Variants in MTUS2 observed in about 807,000 individuals in gnomAD.
MTUS2 encodes microtubule associated scaffold protein 2.
A neutral mutation model predicts 114.1 loss-of-function variants in MTUS2; 40 were observed. The ratio of observed to expected loss-of-function variants is 0.35; its 90% CI spans 0.27 to 0.46. The LOEUF (loss-of-function observed/expected upper bound fraction) is 0.46, where lower values mean the gene tolerates loss of function less well. Ranked by LOEUF, MTUS2 falls within the 20% of genes least tolerant of loss-of-function variation. The pLI is 1.00. For synonymous variants in MTUS2, 688 were observed against 672.0 expected (o/e 1.02, Z -0.37); for missense variants, 1,679 against 1,705.4 (o/e 0.98, Z 0.27).
At chr13:29,170,966 A>G (rs1357497159) in intron 5 of MTUS2, among the ~76,000 whole-genome samples, 2 of 152,206 alleles carry the variant, frequency 1.3e-5, no homozygotes, top group Non-Finnish European at 2.9e-5. Context: ...GAATCCTTGC[A>G]TCAGGAAATA....
intron 5 of MTUS2, among the ~76,000 whole-genome samples, chr13:29,267,271 GCTGAGAGGAATGT>G (rs1318610415): frequency 6.6e-6 from 1 of 152,232 alleles, no homozygotes; most frequent in African/African-American, 2.4e-5. Context: ...GGTGGGCGCA[GCTGAGAGGAATGT>G]TTGTTGTAAA....
intron 4 of MTUS2, among the ~76,000 whole-genome samples, chr13:29,069,295 T>A (rs977033764): frequency 6.6e-6 from 1 of 152,136 alleles, no homozygotes; most frequent in African/African-American, 2.4e-5. Flanking sequence ...TGAGAGCCAA[T>A]GGTATAGATT....
chr13:29,011,089 C>CT (rs991107936), intron 2 of MTUS2, among the ~76,000 whole-genome samples: 175 of 152,264 alleles, frequency 1.1e-3, no homozygotes, highest in African/African-American at 4.0e-3. Context: ...GACCAATAAG[C>CT]TTTTTAACTA....
intron 5 of MTUS2, among the ~76,000 whole-genome samples, chr13:29,115,293 G>A (rs751349767): frequency 2.6e-5 from 4 of 152,182 alleles, no homozygotes; most frequent in East Asian, 1.9e-4. Context: ...TATGCAGGTC[G>A]TACATTTGTG....
chr13:29,172,072 C>T (rs749288557), intron 5 of MTUS2, among the ~76,000 whole-genome samples: 5 of 152,148 alleles, frequency 3.3e-5, no homozygotes, highest in African/African-American at 4.8e-5. Context: ...AGGGAAACAA[C>T]CAGCTGTCTC....
At chr13:29,284,312 A>G (rs1226631594) in intron 6 of MTUS2, among the ~76,000 whole-genome samples, 1 of 152,136 alleles carries the variant, frequency 6.6e-6, no homozygotes, top group Non-Finnish European at 1.5e-5. Flanking sequence ...GGAGGAAAAA[A>G]TGTAGTCGAC....
chr13:29,435,411 G>C (rs1247558686), intron 8 of MTUS2, among the ~76,000 whole-genome samples: 4 of 152,134 alleles, frequency 2.6e-5, no homozygotes, highest in Non-Finnish European at 5.9e-5. Flanking sequence ...GCCCTTAGAG[G>C]AGGCCTTGAT....
rs11288473 is a variant in MTUS2 at position 29,137,783 on chromosome 13, ATTT to A, written c.2644+36827_2644+36829del. Among the ~76,000 whole-genome samples the A allele has an allele frequency of 2.1e-3, 303 of 144,510 alleles. 1 individual carries two copies. Among genetic ancestry groups the A allele is most frequent in the African/African-American group, 6.7e-3 (262 of 39,378 alleles). 94.8% of individuals were successfully genotyped at this position (144,510 alleles called of 152,430 possible). ...AGGTGCACACCACCGTGCCTGGTTAATTTTTTTTTTTTTTTTGTATCTTTAGTA... is the reference window on the plus strand; with the variant it reads ...AGGTGCACACCACCGTGCCTGGTTAATTTTTTTTTTTTTGTATCTTTAGTA... On this transcript the variant is annotated intron_variant, in intron 5 of 15. Coordinates refer to ENST00000612955, the MANE Select transcript of MTUS2 (RefSeq NM_001033602.4).
chr13:29,196,394 C>A (rs867383062), intron 5 of MTUS2, among the ~76,000 whole-genome samples: 11 of 150,848 alleles, frequency 7.3e-5, no homozygotes, highest in African/African-American at 2.7e-4. Context: ...TTATTAGTTT[C>A]TTTAATCTCA....
Position 28,921,200 on chromosome 13 carries a change from A to G in MTUS2, c.-243+81350A>G, listed in dbSNP as rs146824132. ...TCTCAGAGCCCAAGGCCCATGGCCT[A>G]TCACCTGGGTATGGCTGCTGGGTAT... On this transcript the variant is annotated intron_variant, in intron 2 of 15. Transcript: ENST00000612955. 1.7e-3 allele frequency among the ~76,000 whole-genome samples: 257 copies of G among 152,316 alleles called. 1 individual carries two copies. The highest frequency in any genetic ancestry group is 5.7e-3 in the African/African-American group (236 of 41,562).
intron 4 of MTUS2, among the ~76,000 whole-genome samples, chr13:29,074,770 A>G (rs548984003): frequency 6.6e-6 from 1 of 152,200 alleles, no homozygotes; most frequent in South Asian, 2.1e-4. Context: ...CCTTTCCCGG[A>G]ACTAGTTAAC....
intron 8 of MTUS2, among the ~76,000 whole-genome samples, chr13:29,409,935 G>A (rs541782377): frequency 5.3e-5 from 8 of 151,986 alleles, no homozygotes; most frequent in African/African-American, 1.9e-4. Context: ...ATGACCTTGT[G>A]TATTGTTAAA....
intron 4 of MTUS2, 89 bp downstream of exon 4, chr13:29,034,214 C>T (rs1054045374): frequency 4.5e-6 from 7 of 1,539,098 alleles, no homozygotes; most frequent in African/African-American, 1.4e-5. Flanking sequence ...AATATGAATG[C>T]CTTTCATCCT....
chr13:28,970,783 G>A lies in MTUS2; in HGVS notation c.-242-53674G>A, dbSNP rs150168922. 8.5e-5 allele frequency among the ~76,000 whole-genome samples: 13 copies of A among 152,240 alleles called. No individual in the cohort carries two copies. In the East Asian group the frequency reaches 2.5e-3, roughly 29 times the overall value. On this transcript the variant is annotated intron_variant, in intron 2 of 15. Coordinates refer to ENST00000612955, the MANE Select transcript of MTUS2 (RefSeq NM_001033602.4). ...AGCACAGCCTGCAAACCTATACAGT[G>A]TTCCTGTCATATCAGGGCCATGGAG...
At chr13:28,902,568 A>AT (rs1879707737) in intron 2 of MTUS2, among the ~76,000 whole-genome samples, 2 of 152,168 alleles carry the variant, frequency 1.3e-5, no homozygotes, top group South Asian at 2.1e-4. Context: ...AAAAAAAAAA[A>AT]TTTTAACATT....
At chr13:29,082,673 T>G (rs1889497902) in intron 4 of MTUS2, among the ~76,000 whole-genome samples, 1 of 152,134 alleles carries the variant, frequency 6.6e-6, no homozygotes, top group African/African-American at 2.4e-5. Flanking sequence ...AGGGTGCCAC[T>G]TGTATGACTC....
chr13:29,382,189 G>A (rs926602684), intron 8 of MTUS2, among the ~76,000 whole-genome samples: 8 of 152,192 alleles, frequency 5.3e-5, no homozygotes, highest in African/African-American at 1.7e-4. Context: ...CTATTCTGGG[G>A]AGATGGTTGA....
intron 6 of MTUS2, among the ~76,000 whole-genome samples, chr13:29,295,794 G>A (rs1321723877): frequency 6.6e-6 from 1 of 152,152 alleles, no homozygotes; most frequent in East Asian, 1.9e-4. Flanking sequence ...AGGAGCAAAG[G>A]CATTTCTTAC....
chr13:29,050,224 A>C (rs941593291), intron 4 of MTUS2, among the ~76,000 whole-genome samples: 2 of 152,098 alleles, frequency 1.3e-5, no homozygotes, highest in East Asian at 1.9e-4. Flanking sequence ...TACTTTTATT[A>C]CCATAAAATG....
Sources: gnomAD v4.1 joint callset for allele counts (sites outside exome capture counted in the v4.1 genomes callset) on GRCh38, gnomAD v4.1.1 for gene constraint, MANE v1.5 for transcripts, NCBI Gene and HGNC (gene_info 2026-07-23, HGNC 2026-07-21) for gene names.